The following KLF17 variants were observed in gnomAD, a reference collection of about 807,000 sequenced individuals.
KLF17 encodes KLF transcription factor 17.
Under a neutral mutation model 34.2 loss-of-function variants are expected in KLF17, and 31 were observed. The observed-to-expected ratio is 0.91, with a 90% CI of 0.68 to 1.22. The LOEUF is 1.22. KLF17 is among the 50% of genes most tolerant of loss of function. The pLI is 0.00. For synonymous variants in KLF17, 179 were observed against 186.7 expected (o/e 0.96, Z 0.34); for missense variants, 478 against 505.2 (o/e 0.95, Z 0.52).
chr1:44,104,659 G>C, the KLF17 span: 1 of 471,498 alleles, frequency 2.1e-6, no homozygotes, highest in African/African-American at 2.0e-5. Context: ...GTAGGGAGAA[G>C]CTCTAAGAGC....
In KLF17 at chr1:44,130,679, C is replaced by T. The variant is rs1287199192; in HGVS notation, c.1093C>T (p.His365Tyr). 1.2e-6 allele frequency: 2 copies of T among 1,613,718 alleles called. No homozygotes were observed. The highest frequency in any genetic ancestry group is 1.1e-5 in the South Asian group (1 of 91,008). The change falls in exon 3 of 4, where the codon CAT (histidine) becomes TAT (tyrosine). Residue 365 changes from histidine (H) to tyrosine (Y), a missense_variant. His to Tyr is a moderately conservative substitution (Grantham distance 83, BLOSUM62 2). Coordinates refer to ENST00000372299, the MANE Select transcript of KLF17 (RefSeq NM_173484.4). ...SDHLKQHQKT[H>Y]RPGPSDPQAN... The stretch of plus-strand genomic sequence containing the variant: ...CCATCTCAAGCAACACCAGAAGACT[C>T]ATCGGCCGGGACCCTCAGACCCACA...
At chr1:44,054,280 C>T in the KLF17 span, among the ~76,000 whole-genome samples, 1 of 151,992 alleles carries the variant, frequency 6.6e-6, no homozygotes, top group African/African-American at 2.4e-5. Flanking sequence ...TTAGGGTTTA[C>T]AACAACAGGG....
chr1:44,085,276 T>G, the KLF17 span, among the ~76,000 whole-genome samples: 1 of 152,158 alleles, frequency 6.6e-6, no homozygotes, highest in Non-Finnish European at 1.5e-5. Context: ...TTATATGTTA[T>G]GTTAGGTCAC....
chr1:44,100,272 A>AG, the KLF17 span, among the ~76,000 whole-genome samples: 7 of 146,816 alleles, frequency 4.8e-5, no homozygotes, highest in East Asian at 8.1e-4. Context: ...AAAAAAAAAA[A>AG]AGAGAGAGAG....
chr1:44,048,818 T>C, the KLF17 span, among the ~76,000 whole-genome samples: 202 of 148,224 alleles, frequency 1.4e-3, 3 homozygotes, highest in African/African-American at 5.1e-3. Flanking sequence ...TGATAATGAT[T>C]AGTTTTCTTT....
At chr1:44,063,816 C>T in the KLF17 span, among the ~76,000 whole-genome samples, 1 of 152,174 alleles carries the variant, frequency 6.6e-6, no homozygotes, top group Non-Finnish European at 1.5e-5. Context: ...ATCTGGCTTG[C>T]TGCAGCAGGA....
At chr1:44,095,258 G>C in the KLF17 span, among the ~76,000 whole-genome samples, 47,483 of 139,692 alleles carry the variant, frequency 0.34, 7,940 homozygotes, top group Middle Eastern at 0.44. Context: ...TCTTATTGCC[G>C]AGGCTGGAGT....
At chr1:44,083,390 C>T in the KLF17 span, among the ~76,000 whole-genome samples, 2 of 152,034 alleles carry the variant, frequency 1.3e-5, no homozygotes, top group Admixed American at 1.3e-4. Flanking sequence ...AACCTCTTAC[C>T]TTGCTCACAA....
chr1:44,080,261 C>A, the KLF17 span, among the ~76,000 whole-genome samples: 1 of 97,874 alleles, frequency 1.0e-5, no homozygotes, highest in Non-Finnish European at 1.9e-5. Context: ...TTTTTTGAGA[C>A]GGAGTCTTGC....
chr1:44,075,500 G>A, the KLF17 span, among the ~76,000 whole-genome samples: 11 of 151,852 alleles, frequency 7.2e-5, no homozygotes, highest in African/African-American at 2.7e-4. Flanking sequence ...ATTTGACCAG[G>A]GTCAAATACA....
intron 1 of KLF17, among the ~76,000 whole-genome samples, chr1:44,121,323 C>T (rs1396138770): frequency 6.6e-6 from 1 of 152,146 alleles, no homozygotes; most frequent in African/African-American, 2.4e-5. Flanking sequence ...CTATGTTTGT[C>T]AGGCTGGTCT....
the KLF17 span, among the ~76,000 whole-genome samples, chr1:44,094,006 G>T: frequency 6.6e-6 from 1 of 152,218 alleles, no homozygotes; most frequent in South Asian, 2.1e-4. Context: ...AACTACGTGA[G>T]TCCACTTAGA....
At chr1:44,110,627 G>C in the KLF17 span, 1 of 152,152 alleles carries the variant, frequency 6.6e-6, no homozygotes, top group Non-Finnish European at 1.5e-5. Context: ...CCTGGAGGTG[G>C]AGGTTGCGAT....
At chr1:44,046,529 ACACACACACT>A in the KLF17 span, among the ~76,000 whole-genome samples, 28,710 of 95,110 alleles carry the variant, frequency 0.3, 3,328 homozygotes, top group Admixed American at 0.34. Flanking sequence ...CCTAAGCACT[ACACACACACT>A]CACACACACA....
At chr1:44,053,523 C>T in the KLF17 span, among the ~76,000 whole-genome samples, 1 of 152,162 alleles carries the variant, frequency 6.6e-6, no homozygotes, top group Non-Finnish European at 1.5e-5. Flanking sequence ...CATCCCTCCC[C>T]TTTATCCAAC....
At chr1:44,094,288 A>G in the KLF17 span, among the ~76,000 whole-genome samples, 1 of 151,800 alleles carries the variant, frequency 6.6e-6, no homozygotes, top group Non-Finnish European at 1.5e-5. Flanking sequence ...CCCCCATTCC[A>G]TGGGTTGTCT....
At chr1:44,060,107 C>T in the KLF17 span, among the ~76,000 whole-genome samples, 9 of 152,210 alleles carry the variant, frequency 5.9e-5, no homozygotes, top group East Asian at 1.5e-3. Flanking sequence ...GAAGAAGTCA[C>T]ACCCCATAAC....
At chr1:44,124,632 C>T (rs1400544278) in intron 1 of KLF17, among the ~76,000 whole-genome samples, 1 of 151,730 alleles carries the variant, frequency 6.6e-6, no homozygotes, top group Non-Finnish European at 1.5e-5. Context: ...GTAGGTGGGA[C>T]TACAGGCGCC....
the KLF17 span, among the ~76,000 whole-genome samples, chr1:44,083,118 A>T: frequency 1.3e-3 from 195 of 148,194 alleles, 2 homozygotes; most frequent in South Asian, 2.4e-3. Flanking sequence ...TTAAAAAAAA[A>T]TTTTTTTTTT....
Sources: gnomAD v4.1 joint callset for allele counts (sites outside exome capture counted in the v4.1 genomes callset) on GRCh38, gnomAD v4.1.1 for gene constraint, MANE v1.5 for transcripts, NCBI Gene and HGNC (gene_info 2026-07-23, HGNC 2026-07-21) for gene names.